MLLT3: variants seen among roughly 807,000 people sequenced by gnomAD.
MLLT3 encodes the protein MLLT3 super elongation complex subunit.
A neutral mutation model predicts 53.2 loss-of-function variants in MLLT3; 4 were observed. The ratio of observed to expected loss-of-function variants is 0.08; its 90% CI spans 0.04 to 0.17. MLLT3 has a LOEUF of 0.17. Ranked by LOEUF, MLLT3 falls within the 10% of genes least tolerant of loss-of-function variation. The pLI, the probability that MLLT3 is intolerant of heterozygous loss-of-function variation, is 1.00. For synonymous variants in MLLT3, 283 were observed against 230.6 expected, an observed-to-expected ratio of 1.23 and a Z score of -2.06; for missense variants, 569 against 684.0, an observed-to-expected ratio of 0.83 and a Z score of 1.87.
intron 5 of MLLT3, among the ~76,000 whole-genome samples, chr9:20,367,688 T>G (rs532694280): frequency 6.6e-6 from 1 of 152,358 alleles, no homozygotes; most frequent in East Asian, 1.9e-4. Context: ...TTTAATATGC[T>G]CATAGTCTTA....
At chr9:20,547,994 T>C (rs1469806961) in intron 2 of MLLT3, among the ~76,000 whole-genome samples, 3 of 152,188 alleles carry the variant, frequency 2.0e-5, no homozygotes, top group African/African-American at 4.8e-5. Context: ...TTTACACCTA[T>C]AGCACATCTC....
At chr9:20,498,227 C>CAAAAAAAAAAAAAA (rs529049653) in intron 2 of MLLT3, among the ~76,000 whole-genome samples, 7 of 32,520 alleles carry the variant, frequency 2.2e-4, no homozygotes, top group Non-Finnish European at 3.9e-4. Context: ...GACGCTGTCT[C>CAAAAAAAAAAAAAA]AAAAAAAAAA....
intron 10 of MLLT3, among the ~76,000 whole-genome samples, chr9:20,352,082 C>T (rs144264755): frequency 1.3e-5 from 2 of 152,342 alleles, no homozygotes; most frequent in Non-Finnish European, 2.9e-5. Context: ...CACCTTTCTT[C>T]GCAATTCTTA....
At chr9:20,532,318 A>T (rs192952937) in intron 2 of MLLT3, among the ~76,000 whole-genome samples, 4,849 of 151,626 alleles carry the variant, frequency 0.032, 107 homozygotes, top group African/African-American at 0.038. Context: ...AGGAAAAAAA[A>T]ATATATATAT....
In MLLT3 at chr9:20,345,213, G is replaced by C. The variant is rs955028538; in HGVS notation, c.*1230C>G. On this transcript the variant is annotated 3_prime_UTR_variant, in exon 11 of 11. Coordinates refer to ENST00000380338, the MANE Select transcript of MLLT3 (RefSeq NM_004529.4). ...GAAATCCTTCTGGAAATATTAGCAAGCAACTAAACAGGTATTGAACCACTG... is the reference window on the plus strand; with the variant it reads ...GAAATCCTTCTGGAAATATTAGCAACCAACTAAACAGGTATTGAACCACTG... 8.9e-5 allele frequency: 20 copies of C among 224,510 alleles called. No homozygotes were observed. The highest frequency in any genetic ancestry group is 4.0e-4 in the African/African-American group (18 of 44,866). The allele number at this position is 224,510 out of a possible 1,614,324, so 13.9% of individuals were successfully genotyped here.
intron 10 of MLLT3, among the ~76,000 whole-genome samples, chr9:20,352,843 T>C (rs906963729): frequency 6.6e-6 from 1 of 151,784 alleles, no homozygotes; most frequent in African/African-American, 2.4e-5. Flanking sequence ...CCCTGGAATT[T>C]AGAACACACA....
In MLLT3 at chr9:20,353,586, T is replaced by C; in HGVS notation, c.1514A>G (p.Asp505Gly). 6.2e-7 allele frequency: 1 copy of C among 1,613,920 alleles called. No individual in the cohort carries two copies. The highest frequency in any genetic ancestry group is 8.5e-7 in the Non-Finnish European group (1 of 1,179,762). Residue 505 changes from aspartate (D) to glycine (G), a missense_variant, in exon 10 of 11, where the codon GAT becomes GGT. Physicochemically the swap from Asp to Gly is moderately conservative, Grantham distance 94. Coordinates refer to ENST00000380338, the MANE Select transcript of MLLT3 (RefSeq NM_004529.4). Reference sequence around the variant, plus strand: ...CCTTCTGTGAAGCTCTACCAGTTCATCTAGGTATGCCTGAAAGAGAAGAAT... The same window carrying C: ...CCTTCTGTGAAGCTCTACCAGTTCACCTAGGTATGCCTGAAAGAGAAGAAT... The part of the protein sequence containing the change: ...KNGECDKAYL[D>G]ELVELHRRLM...
chr9:20,563,995 C>A (rs1819285638), intron 2 of MLLT3, among the ~76,000 whole-genome samples: 1 of 152,136 alleles, frequency 6.6e-6, no homozygotes. Context: ...CCATCTCCAG[C>A]ACAGCATTTT....
chr9:20,466,061 C>T (rs1177913253), intron 2 of MLLT3, among the ~76,000 whole-genome samples: 1 of 152,040 alleles, frequency 6.6e-6, no homozygotes, highest in African/African-American at 2.4e-5. Context: ...GTATTTGTCC[C>T]AAACAATGAA....
intron 2 of MLLT3, among the ~76,000 whole-genome samples, chr9:20,490,301 A>G (rs886805555): frequency 6.7e-6 from 1 of 149,626 alleles, no homozygotes; most frequent in East Asian, 1.9e-4. Flanking sequence ...ATCTAACCAC[A>G]TGAGACTTTA....
chr9:20,401,235 C>G (rs969510604), intron 5 of MLLT3, among the ~76,000 whole-genome samples: 1 of 151,992 alleles, frequency 6.6e-6, no homozygotes. Context: ...TGTATTATCC[C>G]CAGTGCCCAA....
At chr9:20,496,246 G>C (rs945824333) in intron 2 of MLLT3, among the ~76,000 whole-genome samples, 25 of 152,162 alleles carry the variant, frequency 1.6e-4, no homozygotes, top group African/African-American at 6.0e-4. Flanking sequence ...TGTAAAGAAA[G>C]AAACATTTCC....
chr9:20,373,638 A>ACT (rs1821677826), intron 5 of MLLT3, among the ~76,000 whole-genome samples: 2 of 152,228 alleles, frequency 1.3e-5, no homozygotes, highest in African/African-American at 4.8e-5. Flanking sequence ...GAAAGAGTAC[A>ACT]GTATAACTAG....
At chr9:20,578,365 TC>T (rs1819708343) in intron 2 of MLLT3, among the ~76,000 whole-genome samples, 1 of 152,146 alleles carries the variant, frequency 6.6e-6, no homozygotes, top group African/African-American at 2.4e-5. Flanking sequence ...TGATTACTAA[TC>T]CAGGGCTCAG....
At chr9:20,586,023 G>C (rs1177100022) in intron 2 of MLLT3, among the ~76,000 whole-genome samples, 1 of 152,116 alleles carries the variant, frequency 6.6e-6, no homozygotes, top group East Asian at 1.9e-4. Context: ...GCCTCTTAAA[G>C]AGAATAAATA....
At chr9:20,521,761 T>C (rs565210287) in intron 2 of MLLT3, among the ~76,000 whole-genome samples, 1 of 152,288 alleles carries the variant, frequency 6.6e-6, no homozygotes, top group South Asian at 2.1e-4. Flanking sequence ...CTGGATTTAA[T>C]GGAGAAAAAT....
intron 2 of MLLT3, chr9:20,533,070 C>A: frequency 4.0e-6 from 1 of 251,900 alleles, no homozygotes; most frequent in South Asian, 4.5e-5. Flanking sequence ...CCTGCCTGCC[C>A]TGTGTCGTAA....
chr9:20,444,025 C>G (rs1823625295), intron 4 of MLLT3, among the ~76,000 whole-genome samples: 2 of 152,142 alleles, frequency 1.3e-5, no homozygotes, highest in Admixed American at 1.3e-4. Flanking sequence ...CCCCAATATA[C>G]AATATCTAAT....
intron 2 of MLLT3, among the ~76,000 whole-genome samples, chr9:20,478,048 C>T (rs1263424260): frequency 2.6e-5 from 4 of 152,038 alleles, no homozygotes; most frequent in African/African-American, 9.7e-5. Flanking sequence ...GAAACAAAGC[C>T]ACCTTGAAAT....
Sources: allele counts gnomAD v4.1 joint callset (sites outside exome capture counted in the v4.1 genomes callset), GRCh38; gene constraint gnomAD v4.1.1; transcripts MANE v1.5; gene names NCBI Gene and HGNC (gene_info 2026-07-23, HGNC 2026-07-21).